Variants in DLGAP2 observed in about 807,000 individuals in gnomAD.
The protein encoded by DLGAP2 is DLG associated protein 2, also known as disks large-associated protein 2.
In DLGAP2, 26 loss-of-function variants were observed where a neutral mutation model predicts 100.3. The ratio of observed to expected loss-of-function variants is 0.26; its 90% CI spans 0.19 to 0.36. The LOEUF is 0.36. Ranked by LOEUF, DLGAP2 falls within the 10% of genes least tolerant of loss-of-function variation. The pLI is 1.00. For synonymous variants in DLGAP2, 886 were observed against 630.1 expected (o/e 1.41, Z -6.08); for missense variants, 1,858 against 1,453.2 (o/e 1.28, Z -4.53).
At chr8:988,203 C>G (rs1800543156) in intron 2 of DLGAP2, among the ~76,000 whole-genome samples, 2 of 152,080 alleles carry the variant, frequency 1.3e-5, no homozygotes, top group African/African-American at 4.8e-5. Flanking sequence ...ATTTAGTACC[C>G]TTTAGTATTC....
At chr8:1,270,800 GTCTCTGTGTGTGTGTGTGTCTACC>G (rs1320389935) in intron 3 of DLGAP2, among the ~76,000 whole-genome samples, 2 of 151,256 alleles carry the variant, frequency 1.3e-5, no homozygotes, top group Admixed American at 6.6e-5. Context: ...CTCTCTGTGT[GTCTCTGTGTGTGTGTGTGTCTACC>G]TCTCTGTGTG....
intron 1 of DLGAP2, among the ~76,000 whole-genome samples, chr8:873,257 A>G (rs1308164800): frequency 6.6e-6 from 1 of 152,218 alleles, no homozygotes; most frequent in African/African-American, 2.4e-5. Context: ...TTTTTTGTAT[A>G]TGATATCATG....
chr8:1,588,761 A>AG (rs1491044241), intron 6 of DLGAP2, among the ~76,000 whole-genome samples: 4 of 139,750 alleles, frequency 2.9e-5, no homozygotes, highest in Non-Finnish European at 6.3e-5. Context: ...AAAAAAAAAA[A>AG]AGGAAAAAAA....
intron 2 of DLGAP2, among the ~76,000 whole-genome samples, chr8:1,193,750 G>A (rs1797690043): frequency 6.6e-6 from 1 of 151,948 alleles, no homozygotes; most frequent in Non-Finnish European, 1.5e-5. Context: ...TGGGGGTCCT[G>A]TGGAGCAGAT....
intron 1 of DLGAP2, among the ~76,000 whole-genome samples, chr8:900,668 C>T (rs763346485): frequency 2.6e-5 from 4 of 152,096 alleles, no homozygotes; most frequent in South Asian, 4.1e-4. Context: ...GAGGAGCTGG[C>T]GTTAAATCCA....
intron 3 of DLGAP2, among the ~76,000 whole-genome samples, chr8:1,316,599 G>T (rs1269142511): frequency 7.1e-6 from 1 of 139,890 alleles, no homozygotes; most frequent in Non-Finnish European, 1.5e-5. Context: ...GAGACACTCG[G>T]CAGCGTTTAA....
intron 1 of DLGAP2, among the ~76,000 whole-genome samples, chr8:743,023 G>A (rs539045876): frequency 6.6e-6 from 1 of 152,304 alleles, no homozygotes; most frequent in Non-Finnish European, 1.5e-5. Context: ...GTCCACAATG[G>A]AAGTTATCAA....
chr8:1,226,094 A>G (rs1340750928), intron 2 of DLGAP2, among the ~76,000 whole-genome samples: 1 of 152,188 alleles, frequency 6.6e-6, no homozygotes, highest in Non-Finnish European at 1.5e-5. Context: ...CAAAATTTAT[A>G]AAGAACTTAT....
At chr8:1,177,591 C>T (rs546981081) in intron 2 of DLGAP2, among the ~76,000 whole-genome samples, 1 of 152,306 alleles carries the variant, frequency 6.6e-6, no homozygotes, top group African/African-American at 2.4e-5. Flanking sequence ...TACATTTCAA[C>T]CTCAGAGAAA....
At chr8:1,242,907 G>T (rs960636565) in intron 2 of DLGAP2, among the ~76,000 whole-genome samples, 3 of 142,060 alleles carry the variant, frequency 2.1e-5, no homozygotes, top group Non-Finnish European at 4.6e-5. Context: ...TGGATTGACG[G>T]ATGGATGGAC....
chr8:1,251,861 G>A (rs1389787588), intron 2 of DLGAP2, among the ~76,000 whole-genome samples: 4 of 152,212 alleles, frequency 2.6e-5, no homozygotes, highest in Non-Finnish European at 1.5e-5. Context: ...CTCGCATCAT[G>A]TTGTCTTAGG....
intron 1 of DLGAP2, among the ~76,000 whole-genome samples, chr8:742,803 C>T (rs947689809): frequency 6.6e-6 from 1 of 152,118 alleles, no homozygotes; most frequent in South Asian, 2.1e-4. Context: ...TCACTTTTCC[C>T]AGCTGCATTT....
At chr8:979,608 G>T (rs1800271158) in intron 2 of DLGAP2, among the ~76,000 whole-genome samples, 1 of 152,226 alleles carries the variant, frequency 6.6e-6, no homozygotes, top group Admixed American at 6.5e-5. Flanking sequence ...TCATTATCAG[G>T]TAAAGGGTGA....
chr8:809,134 G>T (rs1325728461), intron 1 of DLGAP2, among the ~76,000 whole-genome samples: 2 of 151,914 alleles, frequency 1.3e-5, no homozygotes, highest in Non-Finnish European at 2.9e-5. Flanking sequence ...CGAATTCCTG[G>T]CCTCAAGTGA....
intron 2 of DLGAP2, chr8:927,085 C>A: frequency 3.0e-6 from 3 of 985,350 alleles, no homozygotes; most frequent in Admixed American, 6.1e-5. Flanking sequence ...GTGGGAGGGC[C>A]CCAGTGGCCG....
At chr8:1,640,193 C>T (rs987068879) in intron 8 of DLGAP2, among the ~76,000 whole-genome samples, 10 of 152,256 alleles carry the variant, frequency 6.6e-5, no homozygotes, top group Admixed American at 2.0e-4. Context: ...AAATCCTTGT[C>T]GTAAATCCAG....
chr8:927,407 A>T (rs1798840283), intron 2 of DLGAP2, among the ~76,000 whole-genome samples: 2 of 152,184 alleles, frequency 1.3e-5, no homozygotes, highest in African/African-American at 4.8e-5. Flanking sequence ...TCTTGGGTCT[A>T]CCTGAGCATA....
intron 3 of DLGAP2, among the ~76,000 whole-genome samples, chr8:1,494,897 G>A (rs1241546198): frequency 6.6e-6 from 1 of 152,152 alleles, no homozygotes; most frequent in African/African-American, 2.4e-5. Context: ...AACTTCCCCA[G>A]GCGTCAATTT....
chr8:1,366,259 T>C (rs937816008), intron 3 of DLGAP2, among the ~76,000 whole-genome samples: 3 of 152,256 alleles, frequency 2.0e-5, no homozygotes, highest in Non-Finnish European at 2.9e-5. Flanking sequence ...AAAGTAAACA[T>C]TTATCACCCA....
Sources: gnomAD v4.1 joint callset for allele counts (sites outside exome capture counted in the v4.1 genomes callset) on GRCh38, gnomAD v4.1.1 for gene constraint, MANE v1.5 for transcripts, NCBI Gene and HGNC (gene_info 2026-07-23, HGNC 2026-07-21) for gene names.